The following ROBO1 variants were observed in gnomAD, a reference collection of about 807,000 sequenced individuals.
ROBO1 encodes roundabout guidance receptor 1, also known as roundabout homolog 1.
A neutral mutation model predicts 195.9 loss-of-function variants in ROBO1; 149 were observed. The ratio of observed to expected loss-of-function variants is 0.76; its 90% CI spans 0.67 to 0.87. ROBO1 has a LOEUF of 0.87. Among genes scored for constraint, ROBO1 ranks in the 40% least tolerant of loss-of-function variants. ROBO1 has a pLI of 0.00. For missense variants in ROBO1, 1,933 were observed against 2,068.3 expected (o/e 0.93, Z 1.27); for synonymous variants, 816 against 733.2 (o/e 1.11, Z -1.82).
chr3:79,399,382 A>T (rs534011158), intron 2 of ROBO1, among the ~76,000 whole-genome samples: 33 of 152,198 alleles, frequency 2.2e-4, no homozygotes, highest in African/African-American at 6.5e-4. Flanking sequence ...GAACAAGCTG[A>T]CTTCTGGACA....
chr3:79,014,227 T>C (rs556805800), intron 3 of ROBO1, among the ~76,000 whole-genome samples: 15 of 152,130 alleles, frequency 9.9e-5, no homozygotes, highest in Non-Finnish European at 2.2e-4. Context: ...CCCAGCACTT[T>C]GGGAGGCCGA....
At chr3:79,098,496 TA>T (rs1270114471) in intron 3 of ROBO1, among the ~76,000 whole-genome samples, 2 of 151,862 alleles carry the variant, frequency 1.3e-5, no homozygotes, top group Non-Finnish European at 2.9e-5. Flanking sequence ...TGTCTCAGTG[TA>T]GATTATTTAC....
chr3:79,486,720 A>G (rs1016885226), intron 2 of ROBO1, among the ~76,000 whole-genome samples: 1 of 152,190 alleles, frequency 6.6e-6, no homozygotes, highest in Non-Finnish European at 1.5e-5. Flanking sequence ...AGTGAAGGGC[A>G]GCAGAATATG....
chr3:79,462,511 C>T (rs1022658788), intron 2 of ROBO1, among the ~76,000 whole-genome samples: 6 of 152,036 alleles, frequency 3.9e-5, no homozygotes, highest in Admixed American at 1.3e-4. Flanking sequence ...ATATGTGTAA[C>T]CTTTTAAAAG....
intron 1 of ROBO1, among the ~76,000 whole-genome samples, chr3:79,760,602 G>A (rs761801143): frequency 1.7e-5 from 2 of 115,042 alleles, no homozygotes; most frequent in African/African-American, 3.6e-5. Context: ...TTATGTTTAA[G>A]CAATTCACAG....
chr3:79,170,678 A>T (rs2081149732), intron 2 of ROBO1, among the ~76,000 whole-genome samples: 1 of 152,070 alleles, frequency 6.6e-6, no homozygotes, highest in Admixed American at 6.5e-5. Flanking sequence ...TTGGTTACAG[A>T]TGTTATTATT....
chr3:79,759,096 AC>A (rs34431262), intron 1 of ROBO1, among the ~76,000 whole-genome samples: 26,193 of 152,096 alleles, frequency 0.17, 2,282 homozygotes, highest in East Asian at 0.25. Flanking sequence ...ATAATCCAAT[AC>A]TTGTTTAGCA....
chr3:78,743,464 C>T (rs950058309), intron 5 of ROBO1, among the ~76,000 whole-genome samples: 10 of 152,240 alleles, frequency 6.6e-5, no homozygotes, highest in African/African-American at 2.4e-4. Flanking sequence ...GCCCTTTCTG[C>T]CTCTTCTCCA....
intron 1 of ROBO1, among the ~76,000 whole-genome samples, chr3:79,610,959 T>G (rs1944639051): frequency 6.6e-6 from 1 of 152,094 alleles, no homozygotes; most frequent in Non-Finnish European, 1.5e-5. Flanking sequence ...CTTCATATGG[T>G]AGAAAACAAA....
intron 2 of ROBO1, among the ~76,000 whole-genome samples, chr3:79,501,432 T>C (rs546764294): frequency 4.8e-4 from 73 of 152,282 alleles, no homozygotes; most frequent in African/African-American, 1.5e-3. Context: ...GGGAATAAAA[T>C]ATTAAATGCA....
At chr3:78,918,942 G>C (rs907626672) in intron 4 of ROBO1, among the ~76,000 whole-genome samples, 3 of 152,114 alleles carry the variant, frequency 2.0e-5, no homozygotes, top group Non-Finnish European at 4.4e-5. Context: ...CCAAGTTAGT[G>C]ATTCTTTCTT....
At chr3:79,356,343 T>C (rs911507668) in intron 2 of ROBO1, among the ~76,000 whole-genome samples, 2 of 152,168 alleles carry the variant, frequency 1.3e-5, no homozygotes, top group Non-Finnish European at 2.9e-5. Context: ...TCTGTCTAAA[T>C]AAAAGATTAA....
intron 2 of ROBO1, among the ~76,000 whole-genome samples, chr3:79,163,955 A>G (rs533264639): frequency 6.6e-6 from 1 of 152,142 alleles, no homozygotes; most frequent in Non-Finnish European, 1.5e-5. Context: ...TATGGTAATG[A>G]CATTGATGAT....
intron 1 of ROBO1, among the ~76,000 whole-genome samples, chr3:79,736,221 A>G (rs1703380325): frequency 6.6e-6 from 1 of 152,192 alleles, no homozygotes; most frequent in Non-Finnish European, 1.5e-5. Flanking sequence ...CTGAAGGTGT[A>G]ACGGAGCTTG....
intron 3 of ROBO1, among the ~76,000 whole-genome samples, chr3:79,038,207 T>C (rs1261060027): frequency 6.6e-6 from 1 of 152,132 alleles, no homozygotes; most frequent in African/African-American, 2.4e-5. Flanking sequence ...TGATTTGTGG[T>C]ATAGAACTGA....
At chr3:79,251,256 G>T (rs1047781788) in intron 2 of ROBO1, among the ~76,000 whole-genome samples, 5 of 152,128 alleles carry the variant, frequency 3.3e-5, no homozygotes, top group African/African-American at 1.2e-4. Flanking sequence ...ATCTTCAGAG[G>T]GGAGGGATAG....
In ROBO1 at chr3:78,607,029, G is replaced by A. The variant is rs764287408; in HGVS notation, c.4448C>T (p.Pro1483Leu). 4.4e-6 allele frequency: 7 copies of A among 1,608,570 alleles called. No individual in the cohort carries two copies. In the African/African-American group the frequency reaches 8.0e-5, roughly 18 times the overall value. Residue 1483 changes from proline (P) to leucine (L), a missense_variant, in exon 29 of 31, where the codon CCT becomes CTT. By Grantham distance (98) the Pro-to-Leu change is moderately conservative (BLOSUM62 -3). This residue lies in a region of ROBO1 where 1,737 missense variants were observed against 1,882.5 expected (regional missense o/e 0.92). Coordinates refer to ENST00000464233, the MANE Select transcript of ROBO1 (RefSeq NM_002941.4). ...CTTTATAGCAGGTGGCGGCACAGGA[G>A]GTGGTGGAAGATCTAAAAAGAAACA... ...RETYTDDLPP[P>L]PVPPPAIKSP...
rs371560922 is a variant in ROBO1 at position 79,258,154 on chromosome 3, CAT to C, written c.89-132617_89-132616del. On this transcript the variant is annotated intron_variant, in intron 2 of 30. Transcript: ENST00000464233. ...GGAATTTGGTATTCCCCTTTCTCCA[CAT>C]GTCTAATTTTATACCCTTGCTACAC... is the stretch of plus-strand genomic sequence containing the variant. Among the ~76,000 whole-genome samples, 364 of 152,280 alleles carry C rather than the reference CAT, an allele frequency of 2.4e-3. 2 individuals are homozygous for C. The highest frequency in any genetic ancestry group is 7.7e-3 in the African/African-American group (320 of 41,576).
At chr3:79,658,339 A>C (rs1191722654) in intron 1 of ROBO1, among the ~76,000 whole-genome samples, 1 of 152,070 alleles carries the variant, frequency 6.6e-6, no homozygotes, top group Non-Finnish European at 1.5e-5. Flanking sequence ...AATAGTGGGA[A>C]TATTTCAAAT....
Sources: allele counts gnomAD v4.1 joint callset (sites outside exome capture counted in the v4.1 genomes callset), GRCh38; gene constraint gnomAD v4.1.1; regional missense constraint gnomAD v4.1.1; transcripts MANE v1.5; gene names NCBI Gene and HGNC (gene_info 2026-07-23, HGNC 2026-07-21).